ERBB4: variants seen among roughly 807,000 people sequenced by gnomAD.
ERBB4 encodes the protein receptor tyrosine-protein kinase erbB-4.
ERBB4 carries 42 observed loss-of-function variants against 158.0 expected under a neutral mutation model. The observed-to-expected ratio is 0.27, with a 90% confidence interval of 0.21 to 0.34. The LOEUF (loss-of-function observed/expected upper bound fraction) is 0.34, where lower values mean the gene tolerates loss of function less well. Ranked by LOEUF, ERBB4 falls within the 10% of genes least tolerant of loss-of-function variation. The pLI, the probability that ERBB4 is intolerant of heterozygous loss-of-function variation, is 1.00. For missense variants in ERBB4, 1,333 were observed against 1,624.1 expected, an observed-to-expected ratio of 0.82 and a Z score of 3.08; for synonymous variants, 583 against 558.7, an observed-to-expected ratio of 1.04 and a Z score of -0.61.
chr2:211,664,797 C>T lies in ERBB4; in HGVS notation c.1871+526G>A, dbSNP rs534128189. Among the ~76,000 whole-genome samples, 253 of 152,268 alleles carry T rather than the reference C, an allele frequency of 1.7e-3. 1 individual carries two copies. Among genetic ancestry groups the T allele is most frequent in the African/African-American group, 5.7e-3 (236 of 41,558 alleles). On this transcript the variant is annotated intron_variant, in intron 15 of 27. Coordinates refer to ENST00000342788, the MANE Select transcript of ERBB4 (RefSeq NM_005235.3). ...AACAAGGTTACTTTCACAAAATGTA[C>T]TCATTTTTTAAATATACATATCACT...
chr2:212,036,988 C>T (rs1363397941), intron 2 of ERBB4, among the ~76,000 whole-genome samples: 2 of 152,088 alleles, frequency 1.3e-5, no homozygotes, highest in Non-Finnish European at 2.9e-5. Context: ...AGTTTGAGGG[C>T]TATTTCTAGG....
intron 3 of ERBB4, among the ~76,000 whole-genome samples, chr2:211,904,365 T>C (rs1031363640): frequency 6.6e-6 from 1 of 152,042 alleles, no homozygotes; most frequent in African/African-American, 2.4e-5. Flanking sequence ...TTTCTAACAA[T>C]CCAAGATTTT....
At chr2:211,820,716 A>C (rs1296380862) in intron 3 of ERBB4, among the ~76,000 whole-genome samples, 1 of 151,850 alleles carries the variant, frequency 6.6e-6, no homozygotes, top group Non-Finnish European at 1.5e-5. Context: ...AAATCTAACA[A>C]CACACTAAAA....
chr2:212,166,524 T>G (rs543794729), intron 1 of ERBB4, among the ~76,000 whole-genome samples: 18 of 151,676 alleles, frequency 1.2e-4, no homozygotes, highest in Admixed American at 4.6e-4. Flanking sequence ...AAGTAATTTT[T>G]AGATTCATTG....
At chr2:211,968,082 C>T (rs1250295412) in intron 2 of ERBB4, among the ~76,000 whole-genome samples, 9 of 151,938 alleles carry the variant, frequency 5.9e-5, no homozygotes, top group African/African-American at 1.7e-4. Flanking sequence ...TATTAACTTA[C>T]ATACTAAAGT....
intron 1 of ERBB4, among the ~76,000 whole-genome samples, chr2:212,265,078 T>G (rs1490977676): frequency 6.6e-6 from 1 of 152,112 alleles, no homozygotes; most frequent in Non-Finnish European, 1.5e-5. Context: ...GGTAGATATG[T>G]GCTATCACTT....
intron 1 of ERBB4, among the ~76,000 whole-genome samples, chr2:212,272,941 T>C (rs1038446957): frequency 6.6e-6 from 1 of 151,606 alleles, no homozygotes; most frequent in East Asian, 1.9e-4. Flanking sequence ...TATATAAATA[T>C]CCCTACTATA....
chr2:211,537,465 T>C (rs549294819), intron 20 of ERBB4, among the ~76,000 whole-genome samples: 41 of 152,092 alleles, frequency 2.7e-4, no homozygotes, highest in African/African-American at 9.1e-4. Context: ...TTGGAAAGTA[T>C]TTCTCAGAGT....
At chr2:212,352,325 T>A (rs1479039886) in intron 1 of ERBB4, among the ~76,000 whole-genome samples, 13 of 145,046 alleles carry the variant, frequency 9.0e-5, no homozygotes, top group South Asian at 2.2e-4. Context: ...AAATAAAAGT[T>A]AAAAAAAAAA....
chr2:211,679,269 G>T, intron 12 of ERBB4, 85 bp from the exon 13 acceptor site: 1 of 1,485,874 alleles, frequency 6.7e-7, no homozygotes, highest in South Asian at 1.2e-5. Flanking sequence ...ATTTCTAAAG[G>T]AGTTCACTTA....
intron 1 of ERBB4, among the ~76,000 whole-genome samples, chr2:212,416,566 A>G (rs1299294430): frequency 2.0e-5 from 3 of 152,104 alleles, no homozygotes; most frequent in African/African-American, 4.8e-5. Context: ...AACCTCACAT[A>G]ATATATTCGT....
chr2:211,662,125 C>T (rs1255702778), intron 15 of ERBB4, among the ~76,000 whole-genome samples: 1 of 121,096 alleles, frequency 8.3e-6, no homozygotes, highest in African/African-American at 3.0e-5. Context: ...AATCATTATT[C>T]TAATATCAAC....
intron 3 of ERBB4, among the ~76,000 whole-genome samples, chr2:211,913,493 T>C (rs539441499): frequency 2.6e-5 from 4 of 151,676 alleles, no homozygotes; most frequent in African/African-American, 9.7e-5. Context: ...CCCAGCTACA[T>C]AGGAGGCTGA....
intron 3 of ERBB4, among the ~76,000 whole-genome samples, chr2:211,862,982 G>A (rs572092951): frequency 6.6e-6 from 1 of 151,876 alleles, no homozygotes; most frequent in East Asian, 1.9e-4. Context: ...TCTGCGTCTA[G>A]CTAAAGGATT....
chr2:212,083,002 C>G (rs946047576), intron 2 of ERBB4, among the ~76,000 whole-genome samples: 9 of 151,860 alleles, frequency 5.9e-5, no homozygotes, highest in Non-Finnish European at 1.3e-4. Context: ...ATGAAGGAAG[C>G]TAACTCTGCT....
At chr2:211,810,761 T>A (rs1472775001) in intron 3 of ERBB4, among the ~76,000 whole-genome samples, 1 of 147,484 alleles carries the variant, frequency 6.8e-6, no homozygotes, top group Non-Finnish European at 1.5e-5. Context: ...CAAGCTCCGC[T>A]TCCCGGGTTC....
chr2:212,020,355 AT>A (rs1246141705), intron 2 of ERBB4, among the ~76,000 whole-genome samples: 1 of 152,042 alleles, frequency 6.6e-6, no homozygotes, highest in African/African-American at 2.4e-5. Flanking sequence ...TGAATGAGTG[AT>A]TTTTGGGGAT....
intron 2 of ERBB4, among the ~76,000 whole-genome samples, chr2:212,043,357 A>G (rs185087740): frequency 4.6e-5 from 7 of 152,236 alleles, no homozygotes; most frequent in African/African-American, 1.7e-4. Flanking sequence ...TAGAACCTGC[A>G]TTTGTTTCTA....
At chr2:211,778,259 C>G (rs1320691256) in intron 4 of ERBB4, 1 of 152,168 alleles carries the variant, frequency 6.6e-6, no homozygotes, top group East Asian at 1.9e-4. Context: ...CGCCGCCGCC[C>G]CCCTGTGTTC....
Sources: gnomAD v4.1 joint callset for allele counts (sites outside exome capture counted in the v4.1 genomes callset) on GRCh38, gnomAD v4.1.1 for gene constraint, MANE v1.5 for transcripts, NCBI Gene and HGNC (gene_info 2026-07-23, HGNC 2026-07-21) for gene names.